Variants in PAK3 observed in about 807,000 individuals in gnomAD.
The protein encoded by PAK3 is serine/threonine-protein kinase PAK 3.
Under a neutral mutation model 41.0 loss-of-function variants are expected in PAK3, and 4 were observed. The ratio of observed to expected loss-of-function variants is 0.10; its 90% CI spans 0.05 to 0.22. The LOEUF (loss-of-function observed/expected upper bound fraction) is 0.22, where lower values mean the gene tolerates loss of function less well. PAK3 is among the 10% of genes least tolerant of loss of function. The pLI is 1.00. For missense variants in PAK3, 205 were observed against 409.9 expected, an observed-to-expected ratio of 0.50 and a Z score of 4.32; for synonymous variants, 146 against 139.6, an observed-to-expected ratio of 1.05 and a Z score of -0.32.
At chrX:111,176,371 G>A (rs1027172220) in intron 11 of PAK3, among the ~76,000 whole-genome samples, 3 of 110,374 alleles carry the variant, frequency 2.7e-5, no homozygotes, top group South Asian at 4.0e-4. Flanking sequence ...GCATTAGGAC[G>A]AATAGCCAAT....
chrX:110,986,756 C>CGTGT (rs758904251), intron 1 of PAK3, among the ~76,000 whole-genome samples: 2,871 of 104,369 alleles, frequency 0.028, 110 homozygotes, highest in African/African-American at 0.09. Context: ...CAAGTGTACG[C>CGTGT]GTGTGTGTGT....
chrX:111,065,337 T>C (rs1014943572), intron 1 of PAK3, among the ~76,000 whole-genome samples: 1 of 109,809 alleles, frequency 9.1e-6, no homozygotes, highest in African/African-American at 3.3e-5. Flanking sequence ...TTGTTTTTCA[T>C]TCTGTTTATG....
intron 5 of PAK3, among the ~76,000 whole-genome samples, chrX:111,135,642 T>C (rs931354475): frequency 4.5e-5 from 5 of 111,413 alleles, no homozygotes; most frequent in African/African-American, 9.8e-5. Flanking sequence ...GGGGAAATGT[T>C]AGCTTCAAGA....
chrX:111,177,577 A>C (rs1175676289), intron 11 of PAK3, among the ~76,000 whole-genome samples: 1 of 112,374 alleles, frequency 8.9e-6, no homozygotes, highest in African/African-American at 3.2e-5. Context: ...CAGGTACCCC[A>C]AAATTATCAT....
At chrX:111,160,695 C>A (rs1603325580) in intron 8 of PAK3, among the ~76,000 whole-genome samples, 1 of 110,732 alleles carries the variant, frequency 9.0e-6, no homozygotes, top group Non-Finnish European at 1.9e-5. Context: ...CAATTCCCAC[C>A]TATGAGTGAG....
chrX:111,111,853 A>G (rs1164223885), intron 4 of PAK3, among the ~76,000 whole-genome samples: 1 of 111,593 alleles, frequency 9.0e-6, no homozygotes, highest in African/African-American at 3.3e-5. Context: ...TCCTGAGAAC[A>G]GTTAATCCTA....
chrX:110,980,792 T>G (rs1231376199), intron 1 of PAK3, among the ~76,000 whole-genome samples: 1 of 112,411 alleles, frequency 8.9e-6, no homozygotes, highest in African/African-American at 3.2e-5. Context: ...AAAGCCTCTC[T>G]GTCTAGATTC....
intron 1 of PAK3, chrX:111,014,039 T>C (rs1444272475): frequency 1.8e-5 from 2 of 112,087 alleles, no homozygotes; most frequent in East Asian, 5.7e-4. Context: ...GCTGTATGTA[T>C]ATCCTTTGAA....
At chrX:111,200,462 A>G (rs1215902853) in intron 16 of PAK3, among the ~76,000 whole-genome samples, 1 of 111,932 alleles carries the variant, frequency 8.9e-6, no homozygotes. Context: ...TCATGCAACA[A>G]TCTGGAAATG....
intron 1 of PAK3, among the ~76,000 whole-genome samples, chrX:111,011,008 A>G (rs1235342655): frequency 1.8e-5 from 2 of 111,923 alleles, no homozygotes; most frequent in East Asian, 5.6e-4. Context: ...CAGCCTACCT[A>G]TCACAGAGGT....
chrX:111,164,075 T>C (rs998778196), intron 10 of PAK3, among the ~76,000 whole-genome samples: 1 of 111,806 alleles, frequency 8.9e-6, no homozygotes, highest in Non-Finnish European at 1.9e-5. Flanking sequence ...TGATGATAGA[T>C]ATGTCAACCT....
intron 6 of PAK3, among the ~76,000 whole-genome samples, chrX:111,145,623 G>GA (rs1043746341): frequency 1.9e-4 from 21 of 111,763 alleles, no homozygotes; most frequent in East Asian, 1.7e-3. Flanking sequence ...CTAGCTGCGT[G>GA]AAAAATGCAT....
chrX:111,083,270 C>CTTCATAAGA (rs1258217164), intron 1 of PAK3, among the ~76,000 whole-genome samples: 2 of 111,898 alleles, frequency 1.8e-5, no homozygotes, highest in African/African-American at 6.5e-5. Flanking sequence ...AAGTCTTTTT[C>CTTCATAAGA]TTCATAAGAT....
chrX:111,042,558 A>G (rs2092461827), intron 1 of PAK3, among the ~76,000 whole-genome samples: 1 of 111,589 alleles, frequency 9.0e-6, no homozygotes, highest in Non-Finnish European at 1.9e-5. Context: ...TCGCCATCCT[A>G]CTTTTCTTGT....
intron 1 of PAK3, among the ~76,000 whole-genome samples, chrX:110,981,517 T>C (rs1394017432): frequency 1.9e-5 from 2 of 103,492 alleles, no homozygotes; most frequent in South Asian, 9.5e-4. Context: ...ATCTCCATCT[T>C]ACTCTCAAAT....
chrX:110,966,182 T>C (rs2091077569), intron 1 of PAK3, among the ~76,000 whole-genome samples: 1 of 112,078 alleles, frequency 8.9e-6, no homozygotes, highest in African/African-American at 3.3e-5. Context: ...GTCTTCATAA[T>C]GGAAAGAGTA....
intron 11 of PAK3, among the ~76,000 whole-genome samples, chrX:111,183,889 T>G (rs1248783895): frequency 9.0e-6 from 1 of 111,713 alleles, no homozygotes; most frequent in African/African-American, 3.2e-5. Context: ...GATGTACTTA[T>G]CGCATTTTAA....
At chrX:110,985,363 C>T (rs1163871482) in intron 1 of PAK3, among the ~76,000 whole-genome samples, 1 of 112,107 alleles carries the variant, frequency 8.9e-6, no homozygotes, top group African/African-American at 3.2e-5. Context: ...TCCTACCTCC[C>T]TGCTTCTAGA....
intron 3 of PAK3, among the ~76,000 whole-genome samples, chrX:111,100,514 C>G (rs989424215): frequency 9.0e-6 from 1 of 111,410 alleles, no homozygotes; most frequent in African/African-American, 3.3e-5. Context: ...ACTCAGCCAG[C>G]CACCGTTTCC....
Sources: allele counts gnomAD v4.1 joint callset (sites outside exome capture counted in the v4.1 genomes callset), GRCh38; gene constraint gnomAD v4.1.1; transcripts MANE v1.5; gene names NCBI Gene and HGNC (gene_info 2026-07-23, HGNC 2026-07-21).